TSGA10: variants seen among roughly 807,000 people sequenced by gnomAD.
TSGA10 encodes testis-specific gene 10 protein.
TSGA10 carries 43 observed loss-of-function variants against 96.6 expected under a neutral mutation model. The observed-to-expected ratio is 0.44, with a 90% CI of 0.35 to 0.57. TSGA10 has a LOEUF of 0.57. TSGA10 is among the 20% of genes least tolerant of loss of function. The pLI is 0.01. For synonymous variants in TSGA10, 229 were observed against 269.9 expected, an observed-to-expected ratio of 0.85 and a Z score of 1.48; for missense variants, 703 against 834.4, an observed-to-expected ratio of 0.84 and a Z score of 1.94.
At chr2:99,046,239 G>C (rs2082763783) in intron 16 of TSGA10, among the ~76,000 whole-genome samples, 1 of 152,118 alleles carries the variant, frequency 6.6e-6, no homozygotes, top group South Asian at 2.1e-4. Context: ...GACATCTACA[G>C]AACACTCCAC....
chr2:99,135,699 C>T (rs1200957049), intron 1 of TSGA10, among the ~76,000 whole-genome samples: 1 of 152,076 alleles, frequency 6.6e-6, no homozygotes, highest in Non-Finnish European at 1.5e-5. Flanking sequence ...ATTTATAAAA[C>T]AGGGATGATA....
At chr2:99,150,437 G>A in intron 1 of TSGA10, 1 of 1,105,602 alleles carries the variant, frequency 9.0e-7, no homozygotes, top group South Asian at 1.6e-5. Context: ...ATGAAGTTAG[G>A]GAAATTCCTG....
intron 16 of TSGA10, among the ~76,000 whole-genome samples, chr2:99,037,496 A>G (rs891639254): frequency 2.0e-5 from 3 of 152,242 alleles, no homozygotes; most frequent in African/African-American, 7.2e-5. Context: ...TAGTTAAAGC[A>G]GTACTTACAA....
At position 98,997,620 on chromosome 2, in the gene TSGA10, T is replaced by C. The variant is rs1475990310; in HGVS notation, c.*577A>G. On this transcript the variant is annotated 3_prime_UTR_variant, in exon 21 of 21. Coordinates refer to ENST00000393483, the MANE Select transcript of TSGA10 (RefSeq NM_025244.4). ...CACAATTGTAGAATATGTATGTTAC[T>C]TAGTCTTTGAGTGGTACAATACTAT... 1 of 152,146 alleles carries C rather than the reference T, an allele frequency of 6.6e-6. No individual in the cohort carries two copies. The allele number at this position is 152,146 out of a possible 1,614,324, so 9.4% of individuals were successfully genotyped here. A position where few individuals can be genotyped will look rare whatever the true frequency, so the allele number is the denominator to read the frequency against.
chr2:99,024,288 C>T (rs1325294104), intron 17 of TSGA10, among the ~76,000 whole-genome samples: 1 of 151,898 alleles, frequency 6.6e-6, no homozygotes, highest in East Asian at 1.9e-4. Context: ...TGGGGTTTCA[C>T]CATGTTAGCC....
chr2:99,102,749 T>C, intron 10 of TSGA10: 1 of 1,604,954 alleles, frequency 6.2e-7, no homozygotes, highest in Non-Finnish European at 8.5e-7. Context: ...CCACACATGG[T>C]TAATTGGAAA....
chr2:99,059,605 C>A (rs577880387), intron 16 of TSGA10, among the ~76,000 whole-genome samples: 299 of 151,910 alleles, frequency 2.0e-3, no homozygotes, highest in Middle Eastern at 3.4e-3. Context: ...CGCCACTGCA[C>A]ACCAGCCTGG....
chr2:99,001,656 A>G (rs12615730), intron 20 of TSGA10, among the ~76,000 whole-genome samples: 8,233 of 152,256 alleles, frequency 0.054, 420 homozygotes, highest in East Asian at 0.21. Flanking sequence ...ACAGAAGTAG[A>G]CTTCAGAGGA....
intron 20 of TSGA10, among the ~76,000 whole-genome samples, chr2:99,009,922 G>T (rs1475607597): frequency 6.6e-6 from 1 of 152,072 alleles, no homozygotes; most frequent in Non-Finnish European, 1.5e-5. Flanking sequence ...AAACAAATGG[G>T]GTAAAATTTT....
chr2:99,073,095 T>TA (rs1462924583), intron 12 of TSGA10, 22 bp from the exon 13 acceptor site: 2 of 1,463,788 alleles, frequency 1.4e-6, no homozygotes, highest in Non-Finnish European at 1.9e-6. Flanking sequence ...ATATAAGTAT[T>TA]AAATAAAAAA....
intron 10 of TSGA10, chr2:99,102,718 A>G: frequency 8.1e-6 from 13 of 1,610,760 alleles, no homozygotes; most frequent in Non-Finnish European, 1.0e-5. Context: ...GAGATGGCCA[A>G]AGACTTTGTA....
intron 10 of TSGA10, among the ~76,000 whole-genome samples, chr2:99,099,485 G>A (rs1280079148): frequency 6.6e-6 from 1 of 152,130 alleles, no homozygotes. Flanking sequence ...TGTAAAGTTG[G>A]TTTAGTATTA....
intron 1 of TSGA10, among the ~76,000 whole-genome samples, chr2:99,144,852 G>A (rs2093616425): frequency 1.3e-5 from 2 of 152,108 alleles, no homozygotes; most frequent in Admixed American, 1.3e-4. Flanking sequence ...TGAAGCAGGA[G>A]AAGGTTTGGC....
intron 1 of TSGA10, among the ~76,000 whole-genome samples, chr2:99,129,477 T>G (rs572915143): frequency 6.6e-6 from 1 of 152,320 alleles, no homozygotes; most frequent in Admixed American, 6.5e-5. Context: ...CAGGCCCAGC[T>G]AGGAATTAAA....
At chr2:99,024,206 C>T (rs1473264975) in intron 17 of TSGA10, among the ~76,000 whole-genome samples, 2 of 152,126 alleles carry the variant, frequency 1.3e-5, no homozygotes, top group Middle Eastern at 3.4e-3. Context: ...TCTCCTGCCT[C>T]GGCCTCCCAA....
At chr2:99,093,430 C>T (rs1288705411) in intron 10 of TSGA10, among the ~76,000 whole-genome samples, 1 of 151,994 alleles carries the variant, frequency 6.6e-6, no homozygotes, top group African/African-American at 2.4e-5. Context: ...AAGTAAAGGG[C>T]ATCCAAATCA....
rs2105175172 is a variant in TSGA10, at chr2:99,154,818, C to T, written c.-746G>A. ...GCGTCCCTGCCTGGAACCTGGTTCC[C>T]GCCCTGAAGGACCCTTACTTAGCAC... On this transcript the variant is annotated 5_prime_UTR_variant, in exon 1 of 21. Coordinates refer to ENST00000393483, the MANE Select transcript of TSGA10 (RefSeq NM_025244.4). The T allele has an allele frequency of 3.0e-6, 1 of 329,282 alleles. No individual in the cohort carries two copies. Among genetic ancestry groups the T allele is most frequent in the Non-Finnish European group, 6.0e-6 (1 of 166,276 alleles). The allele number at this position is 329,282 out of a possible 1,614,324, so 20.4% of individuals were successfully genotyped here. A position where few individuals can be genotyped will look rare whatever the true frequency, so the allele number is the denominator to read the frequency against.
At chr2:99,036,412 C>G (rs902909849) in intron 16 of TSGA10, among the ~76,000 whole-genome samples, 1 of 151,982 alleles carries the variant, frequency 6.6e-6, no homozygotes, top group East Asian at 1.9e-4. Context: ...GGTACATATT[C>G]GATGGTATGT....
At chr2:99,081,792 G>A (rs2087546723) in intron 10 of TSGA10, among the ~76,000 whole-genome samples, 1 of 150,818 alleles carries the variant, frequency 6.6e-6, no homozygotes, top group South Asian at 2.1e-4. Context: ...TAGAACTAAG[G>A]TGTCCCATGT....
Sources: gnomAD v4.1 joint callset for allele counts (sites outside exome capture counted in the v4.1 genomes callset) on GRCh38, gnomAD v4.1.1 for gene constraint, MANE v1.5 for transcripts, NCBI Gene and HGNC (gene_info 2026-07-23, HGNC 2026-07-21) for gene names.